Variants in PRR5L observed in about 807,000 individuals in gnomAD.
PRR5L encodes the protein proline rich 5 like.
PRR5L carries 21 observed loss-of-function variants against 36.4 expected under a neutral mutation model. The ratio of observed to expected loss-of-function variants is 0.58; its 90% CI spans 0.41 to 0.83. The LOEUF is 0.83. PRR5L is among the 40% of genes least tolerant of loss of function. The pLI, the probability that PRR5L is intolerant of heterozygous loss-of-function variation, is 0.00. For synonymous variants in PRR5L, 188 were observed against 197.0 expected (o/e 0.95, Z 0.38); for missense variants, 381 against 473.3 (o/e 0.80, Z 1.81).
chr11:36,372,549 C>T (rs1375265594), intron 1 of PRR5L, among the ~76,000 whole-genome samples: 1 of 152,162 alleles, frequency 6.6e-6, no homozygotes, highest in African/African-American at 2.4e-5. Context: ...TTGCTCATAG[C>T]TCTGGCCCCT....
Position 36,403,362 on chromosome 11 carries a change from C to T in PRR5L, c.229C>T (p.Leu77=). The change falls in exon 3 of 9, where the codon CTG becomes TTG. Residue 77 remains leucine, a synonymous_variant. Coordinates refer to ENST00000530639, the MANE Select transcript of PRR5L (RefSeq NM_001160167.2). ...GGLQSNELYA[L]NENIRRLLKS... ...CTTGCAAAGCAACGAGCTCTATGCC[C>T]TGAACGAAAACATCAGGTATGTGGC... 2 of 1,613,956 alleles carry T rather than the reference C, an allele frequency of 1.2e-6. No individual in the cohort carries two copies. The highest frequency in any genetic ancestry group is 2.2e-5 in the East Asian group (1 of 44,868).
At chr11:36,365,416 T>A (rs759391267) in intron 1 of PRR5L, among the ~76,000 whole-genome samples, 1 of 152,256 alleles carries the variant, frequency 6.6e-6, no homozygotes. Context: ...GGAATTCTTT[T>A]GTCTAGGACC....
intron 4 of PRR5L, among the ~76,000 whole-genome samples, chr11:36,422,643 T>A (rs1349684690): frequency 2.0e-5 from 3 of 152,062 alleles, no homozygotes; most frequent in African/African-American, 7.3e-5. Context: ...ATGTCCTGAG[T>A]GGGGAATAAT....
intron 1 of PRR5L, chr11:36,376,105 A>ATTTT: frequency 2.0e-6 from 2 of 1,005,376 alleles, no homozygotes; most frequent in Non-Finnish European, 2.7e-6. Context: ...CTCCTCGGCA[A>ATTTT]TTTTTTTTTT....
chr11:36,316,917 T>A (rs1244384569), intron 1 of PRR5L, among the ~76,000 whole-genome samples: 1 of 152,190 alleles, frequency 6.6e-6, no homozygotes, highest in Admixed American at 6.5e-5. Context: ...TAGCTCAGCT[T>A]ATGCCTAGGA....
intron 1 of PRR5L, among the ~76,000 whole-genome samples, chr11:36,309,034 G>A (rs574465441): frequency 2.6e-5 from 4 of 152,186 alleles, no homozygotes; most frequent in Non-Finnish European, 4.4e-5. Context: ...AATAGTAGAC[G>A]GATACAGGTG....
chr11:36,435,922 A>G (rs1486437834), intron 5 of PRR5L, among the ~76,000 whole-genome samples: 1 of 152,208 alleles, frequency 6.6e-6, no homozygotes, highest in East Asian at 1.9e-4. Flanking sequence ...CACTATGATG[A>G]GCAAGACAGA....
intron 1 of PRR5L, among the ~76,000 whole-genome samples, chr11:36,303,391 T>C (rs535266889): frequency 7.4e-4 from 113 of 152,308 alleles, no homozygotes; most frequent in Non-Finnish European, 1.3e-3. Context: ...AATGTGGAGA[T>C]ACCTTGCTCA....
At chr11:36,386,094 A>T (rs779587428) in intron 1 of PRR5L, among the ~76,000 whole-genome samples, 5 of 152,166 alleles carry the variant, frequency 3.3e-5, no homozygotes, top group Non-Finnish European at 4.4e-5. Flanking sequence ...CCAGGAGTTC[A>T]AGACTAGTCT....
chr11:36,393,029 A>G (rs1857593027), intron 1 of PRR5L, among the ~76,000 whole-genome samples: 1 of 152,150 alleles, frequency 6.6e-6, no homozygotes, highest in African/African-American at 2.4e-5. Flanking sequence ...TCAGATTATT[A>G]TATTTCTTTC....
intron 8 of PRR5L, 98 bp from the exon 9 acceptor site, chr11:36,462,244 G>A: frequency 8.1e-7 from 1 of 1,237,442 alleles, no homozygotes; most frequent in Admixed American, 2.7e-5. Context: ...TGCTCCTAAA[G>A]GTTGAGCACC....
At chr11:36,351,402 T>C (rs1182619556) in intron 1 of PRR5L, among the ~76,000 whole-genome samples, 1 of 86,298 alleles carries the variant, frequency 1.2e-5, no homozygotes, top group Non-Finnish European at 2.0e-5. Context: ...TATATATTTA[T>C]AAATATATAT....
Position 36,401,063 on chromosome 11 carries a change from T to TCG in PRR5L, c.-58_-57insGC. On this transcript the variant is annotated 5_prime_UTR_variant, in exon 2 of 9. It introduces an in-frame stop codon into an upstream open reading frame of the 5' UTR. Transcript: ENST00000530639. ...GAAGGCAGCCCCTGGAGAAGCCCTT[T>TCG]CCGAGGGCATTCGGAACCTTCTGGT... 3 of 1,586,432 alleles carry TCG rather than the reference T, an allele frequency of 1.9e-6. No homozygotes were observed. Among genetic ancestry groups the TCG allele is most frequent in the East Asian group, 2.3e-5 (1 of 44,310 alleles).
intron 3 of PRR5L, among the ~76,000 whole-genome samples, chr11:36,417,608 T>C (rs1281376482): frequency 1.3e-5 from 2 of 152,240 alleles, no homozygotes; most frequent in Admixed American, 6.5e-5. Flanking sequence ...TATTCTGTCA[T>C]GGGAAAAGGA....
chr11:36,327,036 C>T (rs776059356), intron 1 of PRR5L, among the ~76,000 whole-genome samples: 1 of 152,168 alleles, frequency 6.6e-6, no homozygotes, highest in African/African-American at 2.4e-5. Context: ...GGCCATTGGA[C>T]AAGCAGAATA....
rs116274272 is a variant in PRR5L at position 36,439,775 on chromosome 11, T to C, written c.444+2299T>C. On this transcript the variant is annotated intron_variant, in intron 6 of 8. Coordinates refer to ENST00000530639, the MANE Select transcript of PRR5L (RefSeq NM_001160167.2). Reference sequence around the variant, plus strand: ...CTCAGCTGATCCAGGTTCACATATTTATAGTTTTATAGGACTGTATCTCTT... The same window carrying C: ...CTCAGCTGATCCAGGTTCACATATTCATAGTTTTATAGGACTGTATCTCTT... 4.9e-3 allele frequency among the ~76,000 whole-genome samples: 743 copies of C among 152,300 alleles called. 6 individuals carry two copies. Among genetic ancestry groups the C allele is most frequent in the African/African-American group, 0.016 (682 of 41,562 alleles).
chr11:36,346,707 G>A (rs1057514852), intron 1 of PRR5L, among the ~76,000 whole-genome samples: 2 of 152,152 alleles, frequency 1.3e-5, no homozygotes, highest in Non-Finnish European at 2.9e-5. Flanking sequence ...TTCATATTAT[G>A]AAATACTAGA....
At chr11:36,315,304 G>T (rs1486280206) in intron 1 of PRR5L, among the ~76,000 whole-genome samples, 2 of 152,164 alleles carry the variant, frequency 1.3e-5, no homozygotes, top group African/African-American at 4.8e-5. Context: ...ATTATTAAAA[G>T]CATATGTTTT....
rs771531021 is a variant in PRR5L, at chr11:36,462,491, C to T, written c.862C>T (p.Arg288Trp). ...EAYLEKCGSVRRHTVANAHSD... is the reference protein window; with the variant it reads ...EAYLEKCGSVWRHTVANAHSD... ...CTACCTGGAGAAGTGTGGCAGCGTG[C>T]GGCGGCACACGGTGGCCAATGCCCA... The change falls in exon 9 of 9, where the codon CGG (arginine) becomes TGG (tryptophan). Residue 288 changes from arginine (R) to tryptophan (W), a missense_variant. Arg to Trp is a moderately radical substitution (Grantham distance 101, BLOSUM62 -3). Coordinates refer to ENST00000530639, the MANE Select transcript of PRR5L (RefSeq NM_001160167.2). 26 of 1,607,716 alleles carry T rather than the reference C, an allele frequency of 1.6e-5. No individual in the cohort carries two copies. Among genetic ancestry groups the T allele is most frequent in the South Asian group, 3.3e-5 (3 of 90,038 alleles).
Sources: allele counts gnomAD v4.1 joint callset (sites outside exome capture counted in the v4.1 genomes callset), GRCh38; gene constraint gnomAD v4.1.1; transcripts MANE v1.5; gene names NCBI Gene and HGNC (gene_info 2026-07-23, HGNC 2026-07-21).